THRAP3: variants seen among roughly 807,000 people sequenced by gnomAD.
THRAP3 encodes the protein thyroid hormone receptor-associated protein 3.
A neutral mutation model predicts 101.0 loss-of-function variants in THRAP3; 16 were observed. That is an observed-to-expected ratio of 0.16 (90% CI 0.11 to 0.24). The LOEUF is 0.24. Among genes scored for constraint, THRAP3 ranks in the 10% least tolerant of loss-of-function variants. The pLI, the probability that THRAP3 is intolerant of heterozygous loss-of-function variation, is 1.00. For synonymous variants in THRAP3, 407 were observed against 422.6 expected, an observed-to-expected ratio of 0.96 and a Z score of 0.45; for missense variants, 989 against 1,202.7, an observed-to-expected ratio of 0.82 and a Z score of 2.63.
chr1:36,249,213 AG>A (rs1415642279), intron 1 of THRAP3, among the ~76,000 whole-genome samples: 3 of 90,954 alleles, frequency 3.3e-5, no homozygotes, highest in Non-Finnish European at 6.3e-5. Flanking sequence ...TTTTTTTTTG[AG>A]ATGGAGTCTC....
At chr1:36,290,090 C>T (rs1337197113) in intron 5 of THRAP3, among the ~76,000 whole-genome samples, 3 of 152,192 alleles carry the variant, frequency 2.0e-5, no homozygotes, top group Non-Finnish European at 4.4e-5. Flanking sequence ...GGATCCACTT[C>T]TTCGTTCCTA....
At chr1:36,214,752 A>T in the THRAP3 span, among the ~76,000 whole-genome samples, 1 of 151,866 alleles carries the variant, frequency 6.6e-6, no homozygotes, top group African/African-American at 2.4e-5. Context: ...CCAGCTACTC[A>T]GGAGACTGAG....
At chr1:36,237,989 T>G (rs1301646420) in intron 1 of THRAP3, among the ~76,000 whole-genome samples, 1 of 152,116 alleles carries the variant, frequency 6.6e-6, no homozygotes, top group African/African-American at 2.4e-5. Flanking sequence ...GCCTGGTGAT[T>G]TAGCAAAATT....
intron 1 of THRAP3, among the ~76,000 whole-genome samples, chr1:36,232,944 G>A (rs1308800169): frequency 9.9e-5 from 3 of 30,198 alleles, no homozygotes; most frequent in African/African-American, 1.2e-4. Context: ...GCGCGGTCTC[G>A]GCTCACTGCA....
intron 1 of THRAP3, among the ~76,000 whole-genome samples, chr1:36,238,207 A>G (rs974395799): frequency 1.3e-5 from 2 of 152,248 alleles, no homozygotes; most frequent in Admixed American, 6.5e-5. Flanking sequence ...ACCTCCAGCC[A>G]TCTGCCCACC....
intron 1 of THRAP3, among the ~76,000 whole-genome samples, chr1:36,243,013 A>G (rs1645180646): frequency 6.6e-6 from 1 of 152,012 alleles, no homozygotes; most frequent in African/African-American, 2.4e-5. Flanking sequence ...GAGGATTGCT[A>G]TGATCATGCC....
rs116735585 is a variant in THRAP3, at chr1:36,258,164, A to G, written c.-134-1218A>G. ...TGGAATAGGTTGTTTTTTAAATTCA[A>G]CATGTTACAGCATAAGAGCAGTTTG... is the stretch of plus-strand genomic sequence containing the variant. On this transcript the variant is annotated intron_variant, in intron 1 of 11. Transcript: ENST00000354618. Among the ~76,000 whole-genome samples the G allele has an allele frequency of 9.5e-3, 1,446 of 152,240 alleles. 12 individuals are homozygous for G. The highest frequency in any genetic ancestry group is 0.016 in the Non-Finnish European group (1,100 of 68,014).
At chr1:36,264,445 G>A (rs751484188) in intron 2 of THRAP3, among the ~76,000 whole-genome samples, 12 of 152,200 alleles carry the variant, frequency 7.9e-5, no homozygotes, top group Non-Finnish European at 1.6e-4. Context: ...AACCCAGTTC[G>A]TTTTTGCTAC....
In THRAP3 at chr1:36,270,571, G is replaced by GGTTTTTTTTTTTTTTTT. The variant is rs1553121666; in HGVS notation, c.-32+11087_-32+11088insGTTTTTTTTTTTTTTTT. ...TAAAAATACAGTTCTATTTGTTTAG[G>GGTTTTTTTTTTTTTTTT]TTTTTGTTTTTTTTTTTTTTTTTGA... On this transcript the variant is annotated intron_variant, in intron 2 of 11. Coordinates refer to ENST00000354618, the MANE Select transcript of THRAP3 (RefSeq NM_005119.4). 4.9e-3 allele frequency among the ~76,000 whole-genome samples: 156 copies of GGTTTTTTTTTTTTTTTT among 31,874 alleles called. 11 individuals carry two copies. Among genetic ancestry groups the GGTTTTTTTTTTTTTTTT allele is most frequent in the African/African-American group, 0.01 (146 of 14,180 alleles). 20.9% of individuals were successfully genotyped at this position (31,874 alleles called of 152,430 possible). A position where few individuals can be genotyped will look rare whatever the true frequency, so the allele number is the denominator to read the frequency against.
intron 2 of THRAP3, among the ~76,000 whole-genome samples, chr1:36,271,097 C>T (rs911135357): frequency 2.6e-5 from 4 of 152,136 alleles, no homozygotes; most frequent in African/African-American, 9.7e-5. Context: ...TCTTTCTGCT[C>T]TGCAGAAATA....
At chr1:36,211,412 C>G in the THRAP3 span, among the ~76,000 whole-genome samples, 1,209 of 151,908 alleles carry the variant, frequency 8.0e-3, 15 homozygotes, top group African/African-American at 0.028. Context: ...GTGGTGCATG[C>G]CTGTAGTCCC....
In THRAP3 at chr1:36,286,957, A is replaced by G; in HGVS notation, c.727A>G (p.Ser243Gly). Residue 243 changes from serine (S) to glycine (G), a missense_variant, in exon 4 of 12, where the codon AGT becomes GGT. Physicochemically the swap from Ser to Gly is moderately conservative, Grantham distance 56. Transcript: ENST00000354618. The surrounding 1 kb of genome is among the most constrained non-coding windows in gnomAD (Gnocchi z 5.5). ...ASRASAVSELSPRERSPALKS... is the reference protein window; with the variant it reads ...ASRASAVSELGPRERSPALKS... Reference sequence around the variant, plus strand: ...ACGGGCCTCAGCAGTTTCTGAGCTGAGTCCTCGGGAGCGAAGCCCAGCTCT... The same window carrying G: ...ACGGGCCTCAGCAGTTTCTGAGCTGGGTCCTCGGGAGCGAAGCCCAGCTCT... The G allele has an allele frequency of 6.2e-7, 1 of 1,614,240 alleles. No individual in the cohort carries two copies. The highest frequency in any genetic ancestry group is 8.5e-7 in the Non-Finnish European group (1 of 1,180,044).
intron 4 of THRAP3, chr1:36,288,633 T>TA: frequency 7.1e-6 from 7 of 985,494 alleles, no homozygotes; most frequent in Non-Finnish European, 8.4e-6. Context: ...GTGAGTTGTA[T>TA]AAAAGCAAAA....
chr1:36,276,016 C>G (rs1371696859), intron 2 of THRAP3, among the ~76,000 whole-genome samples: 1 of 151,994 alleles, frequency 6.6e-6, no homozygotes, highest in Non-Finnish European at 1.5e-5. Context: ...GAAACCCTGT[C>G]TCTAAATAAA....
At chr1:36,223,418 C>T (rs1644919357), upstream of THRAP3, among the ~76,000 whole-genome samples, 1 of 152,176 alleles carries the variant, frequency 6.6e-6, no homozygotes, top group African/African-American at 2.4e-5. Flanking sequence ...GATCTCGGCT[C>T]TCAAAGAGCT....
At position 36,286,359 on chromosome 1, in the gene THRAP3, C is replaced by T. The variant is rs369866000; in HGVS notation, c.138-9C>T. ...ATTCAAACATTTGTCTCTTTCCTTT[C>T]CATTCCAGTTCTAGGTCTCGTTCCA... On this transcript the variant is annotated splice_polypyrimidine_tract_variant and intron_variant, in intron 3 of 11. Coordinates refer to ENST00000354618, the MANE Select transcript of THRAP3 (RefSeq NM_005119.4). The surrounding 1 kb of genome is among the most constrained non-coding windows in gnomAD (Gnocchi z 5.5). 1.7e-5 allele frequency: 27 copies of T among 1,556,620 alleles called. No individual in the cohort carries two copies. In the African/African-American group the frequency reaches 2.9e-4, roughly 17 times the overall value.
At chr1:36,210,971 G>C in the THRAP3 span, among the ~76,000 whole-genome samples, 6 of 150,632 alleles carry the variant, frequency 4.0e-5, no homozygotes, top group South Asian at 2.1e-4. Flanking sequence ...TGGCACTCTG[G>C]GGGGCCGAGG....
chr1:36,282,735 AT>A (rs1645749729), intron 3 of THRAP3, 35 bp downstream of exon 3: 1 of 1,610,794 alleles, frequency 6.2e-7, no homozygotes. Flanking sequence ...TGAGATAATC[AT>A]TGCATCAGTC....
At chr1:36,227,307 G>A (rs1246227530) in intron 1 of THRAP3, among the ~76,000 whole-genome samples, 1 of 151,378 alleles carries the variant, frequency 6.6e-6, no homozygotes, top group East Asian at 1.9e-4. Flanking sequence ...TTTTGAGATG[G>A]TGTTTCGCTC....
Sources: gnomAD v4.1 joint callset for allele counts (sites outside exome capture counted in the v4.1 genomes callset) on GRCh38, gnomAD v4.1.1 for gene constraint, Gnocchi (gnomAD v3.1) non-coding constraint, MANE v1.5 for transcripts, NCBI Gene and HGNC (gene_info 2026-07-23, HGNC 2026-07-21) for gene names.